The following TAB3 variants were observed in gnomAD, a reference collection of about 807,000 sequenced individuals.
TAB3 encodes TGF-beta-activated kinase 1 and MAP3K7-binding protein 3.
Under a neutral mutation model 48.1 loss-of-function variants are expected in TAB3, and 18 were observed. The ratio of observed to expected loss-of-function variants is 0.37; its 90% CI spans 0.26 to 0.55. The LOEUF (loss-of-function observed/expected upper bound fraction) is 0.55. Among genes scored for constraint, TAB3 ranks in the 20% least tolerant of loss-of-function variants. The pLI is 0.78. For missense variants in TAB3, 414 were observed against 549.8 expected, an observed-to-expected ratio of 0.75 and a Z score of 2.47; for synonymous variants, 185 against 190.2, an observed-to-expected ratio of 0.97 and a Z score of 0.22.
rs1456716671 is a variant in TAB3, at chrX:30,830,554, A to C, written c.*873T>G. The C allele has an allele frequency of 8.9e-6, 1 of 112,663 alleles. No homozygotes were observed. The highest frequency in any genetic ancestry group is 1.9e-5 in the Non-Finnish European group (1 of 53,298). 9.3% of individuals were successfully genotyped at this position (112,663 alleles called of 1,213,427 possible). A position where few individuals can be genotyped will look rare whatever the true frequency, so the allele number is the denominator to read the frequency against. On this transcript the variant is annotated 3_prime_UTR_variant, in exon 11 of 11. Transcript: ENST00000288422. ...ATGGACTTGCATTTGGCATACATTC[A>C]CTGTGCTACTGGCAAAGCGCAGTTT...
In TAB3 at chrX:30,854,720, C is replaced by T. The variant is rs1240513410; in HGVS notation, c.945G>A (p.Gln315=). The change falls in exon 6 of 11, where the codon CAG becomes CAA. Residue 315 remains glutamine (Q), a synonymous_variant. Transcript: ENST00000288422. ...SSPQHQVQPS[Q]LGHIFMPPSP... ...TAGGTGGCATAAAGATGTGGCCCAA[C>T]TGGGAAGGTTGCACTTGATGCTGTG... 1 of 1,209,385 alleles carries T rather than the reference C, an allele frequency of 8.3e-7. No individual in the cohort carries two copies. The highest frequency in any genetic ancestry group is 1.8e-5 in the African/African-American group (1 of 56,942).
In TAB3 at chrX:30,847,051, C is replaced by T. The variant is rs143475818; in HGVS notation, c.1711-407G>A. Among the ~76,000 whole-genome samples, 511 of 111,312 alleles carry T rather than the reference C, an allele frequency of 4.6e-3. 3 individuals carry two copies. The highest frequency in any genetic ancestry group is 0.016 in the African/African-American group (479 of 30,656). On this transcript the variant is annotated intron_variant, in intron 7 of 10. Transcript: ENST00000288422. ...CAGCCTGGTAAAAATTACAACAGTACGGTGTTTACCAGAATTCTCTCATTC... is the reference window on the plus strand; with the variant it reads ...CAGCCTGGTAAAAATTACAACAGTATGGTGTTTACCAGAATTCTCTCATTC...
chrX:30,839,914 T>TTATATATATATATATATATATATATATTA (rs1938363861), intron 9 of TAB3, among the ~76,000 whole-genome samples: 1 of 82,248 alleles, frequency 1.2e-5, no homozygotes, highest in South Asian at 6.5e-4. Context: ...CATATATATA[T>TTATATATATATATATATATATATATATTA]TATATATATA....
At chrX:30,884,634 G>A (rs1237838693) in intron 1 of TAB3, among the ~76,000 whole-genome samples, 1 of 110,424 alleles carries the variant, frequency 9.1e-6, no homozygotes, top group African/African-American at 3.3e-5. Flanking sequence ...CTTTTATTAG[G>A]AGTATTTCCT....
chrX:30,837,131 C>A (rs1408501997), intron 9 of TAB3, among the ~76,000 whole-genome samples: 2 of 102,615 alleles, frequency 1.9e-5, no homozygotes, highest in Non-Finnish European at 2.0e-5. Flanking sequence ...TCACTGCAAC[C>A]TCCACCTCCC....
Position 30,852,922 on chromosome X carries a change from T to C in TAB3, c.1566A>G (p.Gln522=), listed in dbSNP as rs79125112. The C allele has an allele frequency of 1.6e-4, 197 of 1,209,740 alleles. 1 individual carries two copies. In the East Asian group the frequency reaches 5.6e-3, roughly 35 times the overall value. Residue 522 remains glutamine, a synonymous_variant, in exon 7 of 11, where the codon CAA becomes CAG. Coordinates refer to ENST00000288422, the MANE Select transcript of TAB3 (RefSeq NM_152787.5). The part of the protein sequence containing the change: ...YAYTQALLLH[Q]RARMERLAKQ... Reference sequence around the variant, plus strand: ...TTGCTAACCTCTCCATCCTTGCTCGTTGATGTAACAGCAAGGCTACAGCAT... The same window carrying C: ...TTGCTAACCTCTCCATCCTTGCTCGCTGATGTAACAGCAAGGCTACAGCAT...
Position 30,854,443 on chromosome X carries a change from T to C in TAB3, c.1222A>G (p.Ser408Gly), listed in dbSNP as rs773130278. The stretch of plus-strand genomic sequence containing the variant: ...CTAGATATCCCTCTTGAAGGAGAAC[T>C]TGAAGGTGGCGTGGTGGCTGTGTAC... ...SLYTATTPPS[S>G]SPSRGISSQP... Residue 408 changes from serine to glycine, a missense_variant, in exon 6 of 11, where the codon AGT (serine) becomes GGT (glycine). Physicochemically the swap from Ser to Gly is moderately conservative, Grantham distance 56 (BLOSUM62 0). Coordinates refer to ENST00000288422, the MANE Select transcript of TAB3 (RefSeq NM_152787.5). 5.8e-6 allele frequency: 7 copies of C among 1,211,560 alleles called. No homozygotes were observed. Among genetic ancestry groups the C allele is most frequent in the Non-Finnish European group, 6.7e-6 (6 of 895,403 alleles).
intron 7 of TAB3, among the ~76,000 whole-genome samples, chrX:30,849,097 T>C (rs1223361131): frequency 8.9e-6 from 1 of 112,303 alleles, no homozygotes; most frequent in Non-Finnish European, 1.9e-5. Flanking sequence ...AGTACTTATA[T>C]TGTTACCATT....
At chrX:30,880,159 G>GGT (rs1433179919) in intron 1 of TAB3, among the ~76,000 whole-genome samples, 1 of 111,689 alleles carries the variant, frequency 9.0e-6, no homozygotes, top group Non-Finnish European at 1.9e-5. Flanking sequence ...AGGTTTTGTG[G>GGT]GTGTGTGTGG....
chrX:30,849,269 G>A (rs1569209764), intron 7 of TAB3, among the ~76,000 whole-genome samples: 1 of 112,220 alleles, frequency 8.9e-6, no homozygotes, highest in South Asian at 3.7e-4. Context: ...TAAGGGAAAT[G>A]ACACCATCAT....
rs138904648 is a variant in TAB3, at chrX:30,872,797, C to T, written c.-382-996G>A. 6.3e-3 allele frequency among the ~76,000 whole-genome samples: 708 copies of T among 111,833 alleles called. 7 individuals are homozygous for T. Among genetic ancestry groups the T allele is most frequent in the African/African-American group, 0.022 (667 of 30,790 alleles). On this transcript the variant is annotated intron_variant, in intron 1 of 10. Transcript: ENST00000288422. Reference sequence around the variant, plus strand: ...GGGATCAAGCTGTCACCACTTGAACCCTCTGATGAATCTTCACAACACTTA... The same window carrying T: ...GGGATCAAGCTGTCACCACTTGAACTCTCTGATGAATCTTCACAACACTTA...
At chrX:30,868,567 TTATA>T (rs759682694) in intron 2 of TAB3, among the ~76,000 whole-genome samples, 14 of 2,735 alleles carry the variant, frequency 5.1e-3, no homozygotes, top group East Asian at 0.05. Flanking sequence ...TATATATAGC[TTATA>T]TATATATATA....
At position 30,834,073 on chromosome X, in the gene TAB3, G is replaced by A; in HGVS notation, c.1968C>T (p.Asp656=). 1 of 1,211,379 alleles carries A rather than the reference G, an allele frequency of 8.3e-7. No homozygotes were observed. ...VTSKVQADIH[D]TQAAAADEHR... The stretch of plus-strand genomic sequence containing the variant: ...AACCATCTGCAGCTGCTGCCTGGGT[G>A]TCATGGATGTCTGCCTGTACTTTGG... Residue 656 remains aspartate (D), a synonymous_variant, in exon 10 of 11, where the codon GAC becomes GAT. Transcript: ENST00000288422.
At position 30,829,998 on chromosome X, in the gene TAB3, C is replaced by A. The variant is rs1339554057; in HGVS notation, c.*1429G>T. 1 of 110,858 alleles carries A rather than the reference C, an allele frequency of 9.0e-6. No homozygotes were observed. Among genetic ancestry groups the A allele is most frequent in the African/African-American group, 3.3e-5 (1 of 30,456 alleles). The allele number at this position is 110,858 out of a possible 1,213,427, so 9.1% of individuals were successfully genotyped here. On this transcript the variant is annotated 3_prime_UTR_variant, in exon 11 of 11. Coordinates refer to ENST00000288422, the MANE Select transcript of TAB3 (RefSeq NM_152787.5). ...AAATGAGGGGAAGATTCCAAAACTC[C>A]AATTCTGAGCTAAGAAGGAACTCCA...
intron 1 of TAB3, among the ~76,000 whole-genome samples, chrX:30,881,946 A>C (rs1023311163): frequency 3.6e-5 from 4 of 112,388 alleles, no homozygotes; most frequent in African/African-American, 1.3e-4. Flanking sequence ...ATTTTTATCC[A>C]AACAACTCAA....
chrX:30,841,133 A>T (rs1364036663), intron 9 of TAB3, among the ~76,000 whole-genome samples: 1 of 112,606 alleles, frequency 8.9e-6, no homozygotes, highest in Non-Finnish European at 1.9e-5. Context: ...TTTAGAAATC[A>T]ATAGACTATT....
Position 30,859,684 on chromosome X carries a change from TAAAA to T in TAB3, c.-90-10_-90-7del, listed in dbSNP as rs58473340. 2.2e-3 allele frequency: 991 copies of T among 448,380 alleles called. No individual in the cohort carries two copies. The highest frequency in any genetic ancestry group is 5.5e-3 in the Admixed American group (120 of 21,825). The allele number at this position is 448,380 out of a possible 1,213,427, so 37.0% of individuals were successfully genotyped here. On this transcript the variant is annotated splice_polypyrimidine_tract_variant and splice_region_variant and intron_variant, in intron 4 of 10. Transcript: ENST00000288422. Reference sequence around the variant, plus strand: ...TCTAGCACCACAGTCATTTTCTATTTAAAAAAAAAAAAAAAGTATGGTTAAGTCT... The same window carrying T: ...TCTAGCACCACAGTCATTTTCTATTTAAAAAAAAAAAGTATGGTTAAGTCT...
At chrX:30,873,659 A>G (rs1227242921) in intron 1 of TAB3, among the ~76,000 whole-genome samples, 3 of 111,851 alleles carry the variant, frequency 2.7e-5, no homozygotes, top group Non-Finnish European at 5.6e-5. Context: ...CCTCTTCAAC[A>G]TGAAGATGAC....
intron 4 of TAB3, among the ~76,000 whole-genome samples, chrX:30,860,875 A>G (rs1379391423): frequency 3.6e-5 from 4 of 111,900 alleles, no homozygotes; most frequent in Non-Finnish European, 7.5e-5. Context: ...GTTACATAAG[A>G]GAATATTCCT....
Sources: allele counts gnomAD v4.1 joint callset (sites outside exome capture counted in the v4.1 genomes callset), GRCh38; gene constraint gnomAD v4.1.1; transcripts MANE v1.5; gene names NCBI Gene and HGNC (gene_info 2026-07-23, HGNC 2026-07-21).